Variants in IMMP1L observed in about 807,000 individuals in gnomAD.
IMMP1L encodes inner mitochondrial membrane peptidase subunit 1, also known as mitochondrial inner membrane protease subunit 1.
In IMMP1L, 24 loss-of-function variants were observed where a neutral mutation model predicts 21.8. The observed-to-expected ratio is 1.10, with a 90% CI of 0.80 to 1.55. The LOEUF (loss-of-function observed/expected upper bound fraction) is 1.55, where lower values mean the gene tolerates loss of function less well. Among genes scored for constraint, IMMP1L ranks in the 40% most tolerant of loss-of-function variants. The pLI, the probability that IMMP1L is intolerant of heterozygous loss-of-function variation, is 0.00. For missense variants in IMMP1L, 195 were observed against 200.7 expected (o/e 0.97, Z 0.17); for synonymous variants, 46 against 62.8 (o/e 0.73, Z 1.26).
chr11:31,452,875 C>G (rs956959262), intron 4 of IMMP1L: 1 of 638,508 alleles, frequency 1.6e-6, no homozygotes, highest in African/African-American at 2.0e-5. Context: ...CTCAGCCTCC[C>G]AAGTAGCTGA....
At chr11:31,448,016 A>T (rs1023265379) in intron 4 of IMMP1L, among the ~76,000 whole-genome samples, 2 of 152,118 alleles carry the variant, frequency 1.3e-5, no homozygotes, top group African/African-American at 4.8e-5. Flanking sequence ...TCTAGTAAAG[A>T]CTGTTATAGC....
rs181774924 is a variant in IMMP1L, at chr11:31,491,269, G to T, written c.-30+18250C>A. Among the ~76,000 whole-genome samples, 352 of 152,248 alleles carry T rather than the reference G, an allele frequency of 2.3e-3. 12 individuals are homozygous for T. The South Asian group carries it at 0.071, about 31-fold the overall frequency. On this transcript the variant is annotated intron_variant, in intron 1 of 5. Transcript: ENST00000532287. Reference sequence around the variant, plus strand: ...GAAATCTTAAGAGAACTCTGCTAATGGCTCAGAAGGAAGAGAAGAGGTAAA... The same window carrying T: ...GAAATCTTAAGAGAACTCTGCTAATTGCTCAGAAGGAAGAGAAGAGGTAAA...
intron 1 of IMMP1L, among the ~76,000 whole-genome samples, chr11:31,504,414 A>C (rs934460973): frequency 6.6e-6 from 1 of 152,216 alleles, no homozygotes. Flanking sequence ...ACCCTTTCAC[A>C]AAAGAGGTTA....
chr11:31,450,213 C>T (rs970375999), intron 4 of IMMP1L, among the ~76,000 whole-genome samples: 4 of 152,148 alleles, frequency 2.6e-5, no homozygotes, highest in African/African-American at 9.7e-5. Flanking sequence ...CCAAAAGGCA[C>T]ATGTATGACT....
intron 1 of IMMP1L, among the ~76,000 whole-genome samples, chr11:31,491,052 A>ACC (rs1955238956): frequency 1.3e-5 from 2 of 152,178 alleles, no homozygotes; most frequent in Non-Finnish European, 2.9e-5. Context: ...TTGACTTCGT[A>ACC]TTTTTGACCT....
intron 4 of IMMP1L, chr11:31,437,197 G>A (rs1307014642): frequency 2.3e-6 from 1 of 436,232 alleles, no homozygotes; most frequent in South Asian, 1.6e-5. Flanking sequence ...TTTAGATTTT[G>A]GAATATTTGC....
intron 1 of IMMP1L, among the ~76,000 whole-genome samples, chr11:31,473,033 T>C (rs1338428755): frequency 6.6e-6 from 1 of 151,242 alleles, no homozygotes; most frequent in Non-Finnish European, 1.5e-5. Flanking sequence ...GCACGGCTAA[T>C]TTTTGTTGTT....
Position 31,463,227 on chromosome 11 carries a change from A to G in IMMP1L, c.50T>C (p.Ile17Thr). The change falls in exon 2 of 6, where the codon ATT (isoleucine) becomes ACT (threonine). Residue 17 changes from isoleucine to threonine, a missense_variant. Coordinates refer to ENST00000532287, the MANE Select transcript of IMMP1L (RefSeq NM_001304274.2). ...ACAATGAGCTATACAGCCATATTGA[A>G]TAGTATAGCCAACAAGTCGAAAGGT... ...GKTFRLVGYTIQYGCIAHCAF... is the reference protein window; with the variant it reads ...GKTFRLVGYTTQYGCIAHCAF... The G allele has an allele frequency of 6.2e-7, 1 of 1,612,552 alleles. No individual in the cohort carries two copies.
intron 1 of IMMP1L, among the ~76,000 whole-genome samples, chr11:31,466,719 T>C (rs566609044): frequency 6.6e-6 from 1 of 152,028 alleles, no homozygotes; most frequent in African/African-American, 2.4e-5. Flanking sequence ...ATTGAGCCTA[T>C]GGAAGTATAG....
Position 31,463,298 on chromosome 11 carries a change from C to A in IMMP1L, c.-22G>T. ...GCATAGTTCTATGTAGACTCTGCCA[C>A]CATTGGCCTGATGGTAAATTTCAAA... On this transcript the variant is annotated 5_prime_UTR_variant, in exon 2 of 6. Coordinates refer to ENST00000532287, the MANE Select transcript of IMMP1L (RefSeq NM_001304274.2). 1 of 1,574,952 alleles carries A rather than the reference C, an allele frequency of 6.3e-7. No homozygotes were observed. Among genetic ancestry groups the A allele is most frequent in the Non-Finnish European group, 8.6e-7 (1 of 1,167,640 alleles).
At chr11:31,507,701 T>C (rs1413689026) in intron 1 of IMMP1L, among the ~76,000 whole-genome samples, 2 of 152,164 alleles carry the variant, frequency 1.3e-5, no homozygotes, top group Non-Finnish European at 2.9e-5. Flanking sequence ...CAAAGATACA[T>C]AATATCAGTT....
At chr11:31,451,628 T>C (rs1210525744) in intron 4 of IMMP1L, among the ~76,000 whole-genome samples, 3 of 152,160 alleles carry the variant, frequency 2.0e-5, no homozygotes, top group South Asian at 2.1e-4. Context: ...ATTTTAGCTT[T>C]GGATACAGTA....
intron 1 of IMMP1L, among the ~76,000 whole-genome samples, chr11:31,468,208 T>C (rs1954427343): frequency 6.6e-6 from 1 of 152,134 alleles, no homozygotes; most frequent in Admixed American, 6.5e-5. Flanking sequence ...ATATTGTACA[T>C]AAAAATATAT....
At chr11:31,483,926 G>T (rs1443604543) in intron 1 of IMMP1L, among the ~76,000 whole-genome samples, 1 of 151,502 alleles carries the variant, frequency 6.6e-6, no homozygotes, top group African/African-American at 2.4e-5. Context: ...TTCCATACTA[G>T]AATCAATATG....
chr11:31,440,022 G>A (rs7932417), intron 4 of IMMP1L, among the ~76,000 whole-genome samples: 3 of 152,178 alleles, frequency 2.0e-5, no homozygotes, highest in South Asian at 2.1e-4. Context: ...GAATATCTAC[G>A]TAGATTTCTG....
intron 2 of IMMP1L, among the ~76,000 whole-genome samples, chr11:31,462,091 G>C (rs1015049734): frequency 6.6e-6 from 1 of 152,120 alleles, no homozygotes; most frequent in Non-Finnish European, 1.5e-5. Flanking sequence ...AAGGTAGGCA[G>C]ATCACCTGAG....
In IMMP1L at chr11:31,473,758, G is replaced by T. The variant is rs974237050; in HGVS notation, c.-29-10453C>A. The stretch of plus-strand genomic sequence containing the variant: ...AGAATACCCAAAGTCACAAGAAGTT[G>T]TCCACCTGATTGTTCAGGTCTGAAA... On this transcript the variant is annotated intron_variant, in intron 1 of 5. Coordinates refer to ENST00000532287, the MANE Select transcript of IMMP1L (RefSeq NM_001304274.2). 25 of 985,080 alleles carry T rather than the reference G, an allele frequency of 2.5e-5. No individual in the cohort carries two copies. In the African/African-American group the frequency reaches 4.4e-4, roughly 17 times the overall value. The allele number at this position is 985,080 out of a possible 1,614,324, so 61.0% of individuals were successfully genotyped here.
chr11:31,491,191 A>AT (rs1479928297), intron 1 of IMMP1L, among the ~76,000 whole-genome samples: 14 of 152,352 alleles, frequency 9.2e-5, no homozygotes, highest in Admixed American at 2.6e-4. Flanking sequence ...ATACCTAAAA[A>AT]TAGAAAAACA....
intron 1 of IMMP1L, among the ~76,000 whole-genome samples, chr11:31,502,129 T>C (rs12289166): frequency 6.4e-4 from 97 of 152,300 alleles, no homozygotes; most frequent in African/African-American, 2.3e-3. Flanking sequence ...GATATAGTAC[T>C]ACAAATGAGA....
Sources: allele counts gnomAD v4.1 joint callset (sites outside exome capture counted in the v4.1 genomes callset), GRCh38; gene constraint gnomAD v4.1.1; transcripts MANE v1.5; gene names NCBI Gene and HGNC (gene_info 2026-07-23, HGNC 2026-07-21).